Variants in PIAS2 observed in about 807,000 individuals in gnomAD.
PIAS2 encodes the protein E3 SUMO-protein ligase PIAS2.
A neutral mutation model predicts 69.7 loss-of-function variants in PIAS2; 19 were observed. The ratio of observed to expected loss-of-function variants is 0.27; its 90% confidence interval spans 0.19 to 0.40. The LOEUF is 0.40. Ranked by LOEUF, PIAS2 falls within the 10% of genes least tolerant of loss-of-function variation. The pLI is 1.00. For synonymous variants in PIAS2, 261 were observed against 263.2 expected (o/e 0.99, Z 0.08); for missense variants, 624 against 757.0 (o/e 0.82, Z 2.06).
In PIAS2 at chr18:46,811,509, G is replaced by A. The variant is rs1012012542; in HGVS notation, c.*924C>T. The A allele has an allele frequency of 6.6e-6, 1 of 152,112 alleles. No individual in the cohort carries two copies. Among genetic ancestry groups the A allele is most frequent in the African/African-American group, 2.4e-5 (1 of 41,430 alleles). The allele number at this position is 152,112 out of a possible 1,614,324, so 9.4% of individuals were successfully genotyped here. A position where few individuals can be genotyped will look rare whatever the true frequency, so the allele number is the denominator to read the frequency against. ...ACCTCCCAAAATCTGCTCTTCTGCT[G>A]GCTCCAAGATATCAATATTTGATAG... On this transcript the variant is annotated 3_prime_UTR_variant, in exon 14 of 14. Coordinates refer to ENST00000585916, the MANE Select transcript of PIAS2 (RefSeq NM_004671.5).
At chr18:46,873,915 C>G (rs956759685) in intron 2 of PIAS2, among the ~76,000 whole-genome samples, 3 of 152,064 alleles carry the variant, frequency 2.0e-5, no homozygotes, top group Admixed American at 1.3e-4. Flanking sequence ...TCTTCTCCCC[C>G]GCTGAAAAGG....
intron 5 of PIAS2, 82 bp from the exon 6 acceptor site, chr18:46,846,923 G>A: frequency 5.0e-6 from 6 of 1,206,308 alleles, no homozygotes; most frequent in Non-Finnish European, 6.6e-6. Flanking sequence ...ACAGGATCCT[G>A]CCCAATTTCA....
chr18:46,877,949 C>A (rs2051520674), intron 2 of PIAS2, among the ~76,000 whole-genome samples: 1 of 152,114 alleles, frequency 6.6e-6, no homozygotes, highest in Admixed American at 6.6e-5. Context: ...TGAAATAATG[C>A]CACAATTTCA....
intron 12 of PIAS2, chr18:46,815,695 A>T: frequency 6.8e-6 from 5 of 731,520 alleles, no homozygotes; most frequent in Non-Finnish European, 8.4e-6. Flanking sequence ...TGAACCATCT[A>T]AAAAAAAAAA....
chr18:46,917,532 G>T (rs1398971542), upstream of PIAS2: 2 of 1,148,246 alleles, frequency 1.7e-6, no homozygotes, highest in African/African-American at 1.6e-5. Flanking sequence ...CTCCGCCTCC[G>T]ACGCGCCGAA....
At chr18:46,845,833 T>A (rs1026540223) in intron 6 of PIAS2, among the ~76,000 whole-genome samples, 1 of 152,298 alleles carries the variant, frequency 6.6e-6, no homozygotes, top group East Asian at 1.9e-4. Flanking sequence ...TTATCCCCAT[T>A]ACATGGCAAA....
intron 6 of PIAS2, 81 bp from the exon 7 acceptor site, chr18:46,844,920 CT>C: frequency 3.7e-6 from 2 of 536,832 alleles, no homozygotes; most frequent in Non-Finnish European, 6.2e-6. Flanking sequence ...ATTTAAGAAA[CT>C]CTGGTTTCTA....
chr18:46,895,367 A>G (rs930438127), intron 1 of PIAS2, among the ~76,000 whole-genome samples: 3 of 152,080 alleles, frequency 2.0e-5, no homozygotes, highest in Non-Finnish European at 4.4e-5. Flanking sequence ...CTCCAGCTAC[A>G]ATATTAAAAT....
In PIAS2 at chr18:46,844,142, G is replaced by GAGA; in HGVS notation, c.968-16_968-15insTCT. The GAGA allele has an allele frequency of 1.0e-6, 1 of 984,336 alleles. No individual in the cohort carries two copies. The highest frequency in any genetic ancestry group is 1.4e-6 in the Non-Finnish European group (1 of 699,698). The allele number at this position is 984,336 out of a possible 1,614,324, so 61.0% of individuals were successfully genotyped here. ...TTTTTCTTTAACTTTAAAAAGAAGAGAAAAAAAAAAATTTAAAAAAATTAA... is the reference window on the plus strand; with the variant it reads ...TTTTTCTTTAACTTTAAAAAGAAGAGAGAAAAAAAAAAAATTTAAAAAAATTAA... On this transcript the variant is annotated splice_polypyrimidine_tract_variant and intron_variant, in intron 7 of 13. Transcript: ENST00000585916.
chr18:46,828,135 A>G lies in PIAS2; in HGVS notation c.1337-5T>C. 6.3e-7 allele frequency: 1 copy of G among 1,584,782 alleles called. No individual in the cohort carries two copies. The highest frequency in any genetic ancestry group is 8.6e-7 in the Non-Finnish European group (1 of 1,169,052). ...GCTTACTGAGGACGCTTGAACCTGCATGTAAAGAAACAAAAGGAAAAAAAA... is the reference window on the plus strand; with the variant it reads ...GCTTACTGAGGACGCTTGAACCTGCGTGTAAAGAAACAAAAGGAAAAAAAA... On this transcript the variant is annotated splice_polypyrimidine_tract_variant and splice_region_variant and intron_variant, in intron 10 of 13. Coordinates refer to ENST00000585916, the MANE Select transcript of PIAS2 (RefSeq NM_004671.5).
Position 46,810,700 on chromosome 18 carries a change from A to G in PIAS2, c.*1733T>C, listed in dbSNP as rs2040941705. ...ACCATATGAATTTAAATCAACATAA[A>G]AAGAACACACAAAGGCCATGGAAAC... On this transcript the variant is annotated 3_prime_UTR_variant, in exon 14 of 14. Coordinates refer to ENST00000585916, the MANE Select transcript of PIAS2 (RefSeq NM_004671.5). 1.3e-5 allele frequency: 2 copies of G among 152,012 alleles called. No individual in the cohort carries two copies. Among genetic ancestry groups the G allele is most frequent in the South Asian group, 4.2e-4 (2 of 4,816 alleles). The allele number at this position is 152,012 out of a possible 1,614,324, so 9.4% of individuals were successfully genotyped here.
chr18:46,825,825 C>A (rs2144888535), intron 11 of PIAS2, among the ~76,000 whole-genome samples: 1 of 152,314 alleles, frequency 6.6e-6, no homozygotes, highest in South Asian at 2.1e-4. Flanking sequence ...TTCCAACATC[C>A]ATGAAGATGA....
chr18:46,891,645 C>CT, intron 1 of PIAS2: 3 of 952,660 alleles, frequency 3.1e-6, no homozygotes, highest in Non-Finnish European at 3.7e-6. Flanking sequence ...TCACATACAT[C>CT]TTATTTAGCA....
At chr18:46,817,196 AT>A in intron 12 of PIAS2, 1 of 965,402 alleles carries the variant, frequency 1.0e-6, no homozygotes, top group Non-Finnish European at 1.2e-6. Context: ...CATCTTTAAT[AT>A]TTGCTGTATC....
In PIAS2 at chr18:46,812,564, T is replaced by C. The variant is rs775249042; in HGVS notation, c.1735A>G (p.Ser579Gly). The C allele has an allele frequency of 8.1e-6, 13 of 1,613,426 alleles. No homozygotes were observed. The Admixed American group carries it at 8.3e-5, about 10-fold the overall frequency. ...LDSLTSPLTASSTSVTTTSSH... is the reference protein window; with the variant it reads ...LDSLTSPLTAGSTSVTTTSSH... Reference sequence around the variant, plus strand: ...CTGGTGGTGGTGACAGACGTACTGCTTGCTGTTAAGGGTGAGGTGAGACTA... The same window carrying C: ...CTGGTGGTGGTGACAGACGTACTGCCTGCTGTTAAGGGTGAGGTGAGACTA... The change falls in exon 14 of 14, where the codon AGC becomes GGC. Residue 579 changes from serine (S) to glycine (G), a missense_variant. Ser to Gly is a moderately conservative substitution (Grantham distance 56). Transcript: ENST00000585916.
chr18:46,872,899 C>G (rs918305944), intron 2 of PIAS2, among the ~76,000 whole-genome samples: 2 of 152,184 alleles, frequency 1.3e-5, no homozygotes, highest in African/African-American at 4.8e-5. Flanking sequence ...AGCTAAAACA[C>G]CTACTCATCA....
Position 46,844,807 on chromosome 18 carries a change from C to T in PIAS2, c.894G>A (p.Gln298=), listed in dbSNP as rs1286550826. The T allele has an allele frequency of 1.4e-6, 2 of 1,479,520 alleles. No individual in the cohort carries two copies. Among genetic ancestry groups the T allele is most frequent in the Non-Finnish European group, 1.8e-6 (2 of 1,115,784 alleles). 91.6% of individuals were successfully genotyped at this position (1,479,520 alleles called of 1,614,324 possible). The change falls in exon 7 of 14, where the codon CAG becomes CAA. Residue 298 remains glutamine, a synonymous_variant. Transcript: ENST00000585916. ...NYSMSVYLVR[Q]LTSAMLLQRL... ...TCTGTAATAACATGGCTGATGTAAG[C>T]TGCCGTACAAGATATACAGACATAG...
chr18:46,910,459 C>T (rs1297165667), intron 1 of PIAS2, among the ~76,000 whole-genome samples: 1 of 151,542 alleles, frequency 6.6e-6, no homozygotes, highest in African/African-American at 2.4e-5. Context: ...TACCTAAATA[C>T]AAACCCACTG....
At chr18:46,902,354 C>T (rs1231914563) in intron 1 of PIAS2, among the ~76,000 whole-genome samples, 5 of 151,706 alleles carry the variant, frequency 3.3e-5, no homozygotes, top group African/African-American at 4.8e-5. Flanking sequence ...GCCGGGAGTT[C>T]GAAACCAGTC....
Sources: gnomAD v4.1 joint callset for allele counts (sites outside exome capture counted in the v4.1 genomes callset) on GRCh38, gnomAD v4.1.1 for gene constraint, MANE v1.5 for transcripts, NCBI Gene and HGNC (gene_info 2026-07-23, HGNC 2026-07-21) for gene names.